Variants in NAE1 observed in about 807,000 individuals in gnomAD.
NAE1 encodes NEDD8 activating enzyme E1 subunit 1.
In NAE1, 59 loss-of-function variants were observed where a neutral mutation model predicts 88.0. That is an observed-to-expected ratio of 0.67 (90% CI 0.54 to 0.83). The LOEUF (loss-of-function observed/expected upper bound fraction) is 0.83, where lower values mean the gene tolerates loss of function less well. Among genes scored for constraint, NAE1 ranks in the 40% least tolerant of loss-of-function variants. The pLI is 0.00. For missense variants in NAE1, 554 were observed against 632.8 expected (o/e 0.88, Z 1.34); for synonymous variants, 186 against 208.9 (o/e 0.89, Z 0.95).
At chr16:66,826,890 C>G (rs1048742595) in intron 1 of NAE1, 110 bp from the exon 2 acceptor site, 24 of 951,896 alleles carry the variant, frequency 2.5e-5, no homozygotes, top group South Asian at 4.9e-5. Context: ...ATGATAACCA[C>G]AGAATACAGG....
rs1416078197 is a variant in NAE1 at position 66,820,406 on chromosome 16, T to C, written c.511+1044A>G. 7.9e-5 allele frequency among the ~76,000 whole-genome samples: 12 copies of C among 152,226 alleles called. 1 individual carries two copies. The highest frequency in any genetic ancestry group is 7.3e-5 in the Non-Finnish European group (5 of 68,042). On this transcript the variant is annotated intron_variant, in intron 7 of 19. Transcript: ENST00000290810. ...GGAACAGTAGTTATGTAAATGTCTTTGTTGTGTGAAATTGCACCTGAATTG... is the reference window on the plus strand; with the variant it reads ...GGAACAGTAGTTATGTAAATGTCTTCGTTGTGTGAAATTGCACCTGAATTG...
intron 3 of NAE1, among the ~76,000 whole-genome samples, chr16:66,825,461 A>G (rs1444434402): frequency 6.6e-6 from 1 of 152,062 alleles, no homozygotes; most frequent in African/African-American, 2.4e-5. Flanking sequence ...AAAAAAAAAA[A>G]AAGTTTGGGA....
At position 66,813,452 on chromosome 16, in the gene NAE1, T is replaced by C. The variant is rs527241636; in HGVS notation, c.1034+112A>G. 1.5e-5 allele frequency: 19 copies of C among 1,298,940 alleles called. No homozygotes were observed. In the South Asian group the frequency reaches 2.6e-4, roughly 18 times the overall value. The allele number at this position is 1,298,940 out of a possible 1,614,324, so 80.5% of individuals were successfully genotyped here. The stretch of plus-strand genomic sequence containing the variant: ...CACTGCAGCTGGCCTAGTTTATTTA[T>C]AAGCAATGAGGTTGTAATAAACTTT... On this transcript the variant is annotated intron_variant, in intron 13 of 19. Coordinates refer to ENST00000290810, the MANE Select transcript of NAE1 (RefSeq NM_003905.4).
At chr16:66,829,693 G>A (rs1163773137) in intron 1 of NAE1, among the ~76,000 whole-genome samples, 4 of 152,128 alleles carry the variant, frequency 2.6e-5, no homozygotes, top group Non-Finnish European at 5.9e-5. Flanking sequence ...CACAGAAGAC[G>A]CTCAATAAAT....
chr16:66,827,286 G>A (rs541673840), intron 1 of NAE1, among the ~76,000 whole-genome samples: 3 of 152,014 alleles, frequency 2.0e-5, no homozygotes, highest in Admixed American at 6.5e-5. Flanking sequence ...TATGTTAGAT[G>A]TGCCAGGTGC....
chr16:66,826,367 C>G (rs1960463187), intron 3 of NAE1, 156 bp downstream of exon 3: 21 of 660,290 alleles, frequency 3.2e-5, no homozygotes, highest in Non-Finnish European at 4.9e-5. Flanking sequence ...AGATGCTGTA[C>G]TAGCACTTTA....
At chr16:66,808,854 G>A (rs2145314950) in intron 16 of NAE1, 135 bp downstream of exon 16, 1 of 638,956 alleles carries the variant, frequency 1.6e-6, no homozygotes, top group Non-Finnish European at 2.5e-6. Flanking sequence ...ACCTAGATAA[G>A]CTTAGAATAA....
chr16:66,810,507 T>C (rs1597039522), intron 14 of NAE1, 94 bp from the exon 15 acceptor site: 5 of 1,229,302 alleles, frequency 4.1e-6, no homozygotes, highest in East Asian at 4.7e-5. Flanking sequence ...ATGGGAAGGC[T>C]TTCTCCAAGA....
chr16:66,823,521 A>G lies in NAE1; in HGVS notation c.321+8T>C, dbSNP rs199886245. 1.0e-5 allele frequency: 16 copies of G among 1,605,164 alleles called. 1 individual carries two copies. Among genetic ancestry groups the G allele is most frequent in the Admixed American group, 3.4e-5 (2 of 59,438 alleles). On this transcript the variant is annotated splice_region_variant and intron_variant, in intron 5 of 19. Transcript: ENST00000290810. ...AGCACAGACATAATAATGTGTGTAC[A>G]TATATACCTCTTCCACAAAACTTCC...
In NAE1 at chr16:66,820,620, G is replaced by A. The variant is rs546471128; in HGVS notation, c.511+830C>T. Among the ~76,000 whole-genome samples, 7 of 152,126 alleles carry A rather than the reference G, an allele frequency of 4.6e-5. No homozygotes were observed. In the South Asian group the frequency reaches 1.0e-3, roughly 23 times the overall value. ...TAAAAATGCAAAAAATTAGCTGGGC[G>A]GCCGGGTGCGGTGGCTCACGCCTGT... On this transcript the variant is annotated intron_variant, in intron 7 of 19. Coordinates refer to ENST00000290810, the MANE Select transcript of NAE1 (RefSeq NM_003905.4).
rs767534593 is a variant in NAE1, at chr16:66,813,851, C to T, written c.841-5G>A. 7.4e-6 allele frequency: 12 copies of T among 1,611,228 alleles called. No individual in the cohort carries two copies. The East Asian group carries it at 1.6e-4, about 21-fold the overall frequency. On this transcript the variant is annotated splice_region_variant and splice_polypyrimidine_tract_variant and intron_variant, in intron 11 of 19. Transcript: ENST00000290810. ...ATCTTCAATACTGCTTGGGATCTAA[C>T]AAAGGAACATGAAACATTTACTTAC...
intron 4 of NAE1, 46 bp downstream of exon 4, chr16:66,824,809 G>A: frequency 6.6e-7 from 1 of 1,508,208 alleles, no homozygotes; most frequent in Non-Finnish European, 9.1e-7. Context: ...AAAACACAGG[G>A]GCATCATTAG....
intron 5 of NAE1, 81 bp downstream of exon 5, chr16:66,823,447 CA>C: frequency 7.1e-7 from 1 of 1,411,250 alleles, no homozygotes; most frequent in Non-Finnish European, 9.8e-7. Flanking sequence ...CACAAAGATT[CA>C]AAATTCTAAA....
intron 16 of NAE1, 52 bp downstream of exon 16, chr16:66,808,937 A>G: frequency 8.2e-7 from 1 of 1,224,978 alleles, no homozygotes; most frequent in Middle Eastern, 2.1e-4. Flanking sequence ...AAATATTTAT[A>G]TCTTTTAAAT....
At chr16:66,824,047 C>T (rs1960367647) in intron 4 of NAE1, among the ~76,000 whole-genome samples, 1 of 152,190 alleles carries the variant, frequency 6.6e-6, no homozygotes, top group Non-Finnish European at 1.5e-5. Context: ...AATTCTGCTT[C>T]TCCTAGTGTT....
intron 19 of NAE1, among the ~76,000 whole-genome samples, chr16:66,804,139 G>A (rs1257250731): frequency 2.0e-5 from 3 of 151,846 alleles, no homozygotes; most frequent in African/African-American, 7.3e-5. Flanking sequence ...GGAGAGTCAG[G>A]GATGGCATCG....
At position 66,818,638 on chromosome 16, in the gene NAE1, CTG is replaced by C; in HGVS notation, c.512-3_512-2del. 1 of 1,593,230 alleles carries C rather than the reference CTG, an allele frequency of 6.3e-7. No homozygotes were observed. Reference sequence around the variant, plus strand: ...GCATTATCTGGATGAGATTCTATTACTGTGAAACAAAGAATTCAAAAGGATAA... The same window carrying C: ...GCATTATCTGGATGAGATTCTATTACTGAAACAAAGAATTCAAAAGGATAA... On this transcript the variant is annotated splice_acceptor_variant and splice_polypyrimidine_tract_variant and intron_variant, in intron 7 of 19. Transcript: ENST00000290810. LOFTEE classifies it high-confidence loss of function.
At chr16:66,830,498 T>C (rs1490440870) in intron 1 of NAE1, among the ~76,000 whole-genome samples, 7 of 152,196 alleles carry the variant, frequency 4.6e-5, no homozygotes, top group Non-Finnish European at 5.9e-5. Context: ...AACCTAACCC[T>C]CTGTGCCGCC....
chr16:66,819,762 C>CCA (rs1960180258), intron 7 of NAE1, among the ~76,000 whole-genome samples: 3 of 152,164 alleles, frequency 2.0e-5, no homozygotes, highest in Non-Finnish European at 4.4e-5. Flanking sequence ...TAAGGATACT[C>CCA]AATCTGTACC....
Sources: allele counts gnomAD v4.1 joint callset (sites outside exome capture counted in the v4.1 genomes callset), GRCh38; gene constraint gnomAD v4.1.1; transcripts MANE v1.5; gene names NCBI Gene and HGNC (gene_info 2026-07-23, HGNC 2026-07-21).